MRTFA: variants seen among roughly 807,000 people sequenced by gnomAD.
MRTFA encodes myocardin-related transcription factor A.
A neutral mutation model predicts 83.5 loss-of-function variants in MRTFA; 20 were observed. The ratio of observed to expected loss-of-function variants is 0.24; its 90% CI spans 0.17 to 0.35. The LOEUF (loss-of-function observed/expected upper bound fraction) is 0.35. Among genes scored for constraint, MRTFA ranks in the 10% least tolerant of loss-of-function variants. The probability of loss-of-function intolerance (pLI) is 1.00; values close to 1 mark genes in which losing one functional copy is unlikely to be tolerated. For missense variants in MRTFA, 1,200 were observed against 1,224.7 expected, an observed-to-expected ratio of 0.98 and a Z score of 0.30; for synonymous variants, 659 against 541.2, an observed-to-expected ratio of 1.22 and a Z score of -3.02.
At chr22:40,588,178 G>A (rs769107874) in intron 2 of MRTFA, among the ~76,000 whole-genome samples, 7 of 151,924 alleles carry the variant, frequency 4.6e-5, no homozygotes, top group Non-Finnish European at 7.4e-5. Flanking sequence ...ACAGGCACGC[G>A]CCACCACGCC....
At chr22:40,447,695 C>T (rs1602257146) in intron 4 of MRTFA, among the ~76,000 whole-genome samples, 1 of 152,086 alleles carries the variant, frequency 6.6e-6, no homozygotes, top group African/African-American at 2.4e-5. Flanking sequence ...CCTTGTTTTC[C>T]CCAATAACCT....
chr22:40,579,558 C>T (rs1453440771), intron 2 of MRTFA, among the ~76,000 whole-genome samples: 2 of 151,898 alleles, frequency 1.3e-5, no homozygotes, highest in African/African-American at 2.4e-5. Flanking sequence ...TCTCACACAA[C>T]CAATAAAGAC....
At chr22:40,447,941 C>A (rs2053412400) in intron 4 of MRTFA, among the ~76,000 whole-genome samples, 1 of 152,144 alleles carries the variant, frequency 6.6e-6, no homozygotes. Context: ...GGTTGTAATT[C>A]CAACACTTTG....
intron 3 of MRTFA, among the ~76,000 whole-genome samples, chr22:40,538,618 T>G (rs1281144258): frequency 6.6e-6 from 1 of 152,156 alleles, no homozygotes; most frequent in Non-Finnish European, 1.5e-5. Context: ...TCTTTCCCAA[T>G]TGCTAAGATT....
intron 3 of MRTFA, among the ~76,000 whole-genome samples, chr22:40,463,989 AT>A (rs200623309): frequency 1.1e-4 from 16 of 151,878 alleles, no homozygotes; most frequent in Non-Finnish European, 4.4e-5. Flanking sequence ...CTTAATAGGG[AT>A]TTTTTTTAAG....
chr22:40,630,292 G>A (rs963330654), intron 1 of MRTFA, among the ~76,000 whole-genome samples: 1 of 151,984 alleles, frequency 6.6e-6, no homozygotes, highest in Non-Finnish European at 1.5e-5. Flanking sequence ...CTCTACCCTA[G>A]GCAAGAGAAC....
chr22:40,417,640 T>G, intron 12 of MRTFA, 147 bp from the exon 13 acceptor site: 1 of 614,662 alleles, frequency 1.6e-6, no homozygotes, highest in Non-Finnish European at 2.8e-6. Flanking sequence ...GGAGCTTTCA[T>G]GAAAGCCACT....
intron 3 of MRTFA, among the ~76,000 whole-genome samples, chr22:40,471,945 C>A (rs567020063): frequency 6.6e-6 from 1 of 152,138 alleles, no homozygotes; most frequent in Non-Finnish European, 1.5e-5. Context: ...GAAAACACTT[C>A]CCCAACTCAT....
chr22:40,628,511 C>A (rs73422635), intron 1 of MRTFA, among the ~76,000 whole-genome samples: 3 of 152,228 alleles, frequency 2.0e-5, no homozygotes, highest in African/African-American at 7.2e-5. Flanking sequence ...TAACAGAGGA[C>A]ACACTCCAGA....
intron 3 of MRTFA, chr22:40,519,511 T>C (rs1377926695): frequency 3.0e-6 from 4 of 1,349,090 alleles, no homozygotes; most frequent in African/African-American, 2.9e-5. Flanking sequence ...TCAGGAGTCA[T>C]TTTAACTCCA....
rs562274632 is a variant in MRTFA at position 40,479,500 on chromosome 22, C to A, written c.242-16214G>T. ...TTTCCCTTTCTTCTGCCTATTAAAC[C>A]TCTGCTCCTAAAAAAATAAAATAAA... On this transcript the variant is annotated intron_variant, in intron 3 of 14. Transcript: ENST00000355630. 9.9e-5 allele frequency among the ~76,000 whole-genome samples: 15 copies of A among 152,162 alleles called. No individual in the cohort carries two copies. In the South Asian group the frequency reaches 3.1e-3, roughly 32 times the overall value.
chr22:40,483,956 C>T (rs1478203667), intron 3 of MRTFA, among the ~76,000 whole-genome samples: 1 of 152,032 alleles, frequency 6.6e-6, no homozygotes, highest in Non-Finnish European at 1.5e-5. Flanking sequence ...ATCCGCTCAC[C>T]TCAACCTCCC....
chr22:40,419,044 G>A lies in MRTFA; in HGVS notation c.1694C>T (p.Thr565Met), dbSNP rs146912313. The change falls in exon 12 of 15, where the codon ACG (threonine) becomes ATG (methionine). Residue 565 changes from threonine to methionine, a missense_variant. Transcript: ENST00000355630. ...CCCGGGGGTGGAGTTTTCATCGCCCGTGCTGAGCAGTGAGCGCTCCGAGGG... is the reference window on the plus strand; with the variant it reads ...CCCGGGGGTGGAGTTTTCATCGCCCATGCTGAGCAGTGAGCGCTCCGAGGG... 45 of 1,611,650 alleles carry A rather than the reference G, an allele frequency of 2.8e-5. No individual in the cohort carries two copies. The highest frequency in any genetic ancestry group is 2.2e-4 in the Admixed American group (13 of 59,878).
chr22:40,411,083 CCAGA>C lies in MRTFA; in HGVS notation c.*303_*306del, dbSNP rs947876423. On this transcript the variant is annotated 3_prime_UTR_variant, in exon 15 of 15. Coordinates refer to ENST00000355630, the MANE Select transcript of MRTFA (RefSeq NM_020831.6). Reference sequence around the variant, plus strand: ...TTCACCTACCTTAGCCAAATTGTAGCCAGACAGACAGTGCCCCCTGACCTCAAAA... The same window carrying C: ...TTCACCTACCTTAGCCAAATTGTAGCCAGACAGTGCCCCCTGACCTCAAAA... 7 of 297,534 alleles carry C rather than the reference CCAGA, an allele frequency of 2.4e-5. No individual in the cohort carries two copies. The highest frequency in any genetic ancestry group is 8.5e-5 in the African/African-American group (4 of 47,246). 18.4% of individuals were successfully genotyped at this position (297,534 alleles called of 1,614,324 possible). A position where few individuals can be genotyped will look rare whatever the true frequency, so the allele number is the denominator to read the frequency against.
At chr22:40,569,380 G>T in intron 2 of MRTFA, 1 of 203,652 alleles carries the variant, frequency 4.9e-6, no homozygotes, top group Admixed American at 4.8e-5. Flanking sequence ...GGAATGGCTG[G>T]CAGAAATACC....
intron 3 of MRTFA, among the ~76,000 whole-genome samples, chr22:40,477,829 G>A (rs554073485): frequency 6.6e-6 from 1 of 151,862 alleles, no homozygotes; most frequent in Non-Finnish European, 1.5e-5. Context: ...AGGAGGGAAA[G>A]GAATGAAAAA....
intron 3 of MRTFA, among the ~76,000 whole-genome samples, chr22:40,537,763 G>T (rs1300947003): frequency 3.3e-5 from 1 of 30,726 alleles, no homozygotes; most frequent in Admixed American, 3.7e-4. Context: ...GTCCGGGAGG[G>T]AGGTGGGGGG....
chr22:40,537,149 C>T (rs1304142938), intron 3 of MRTFA, among the ~76,000 whole-genome samples: 10 of 41,166 alleles, frequency 2.4e-4, no homozygotes, highest in Middle Eastern at 0.023. Context: ...CCGCCACGTC[C>T]GGGAGGTGAG....
chr22:40,636,281 G>C (rs1254813596), intron 1 of MRTFA, among the ~76,000 whole-genome samples, 197 bp downstream of exon 1: 1 of 151,842 alleles, frequency 6.6e-6, no homozygotes, highest in Non-Finnish European at 1.5e-5. Context: ...TCCCAGCCCC[G>C]GCACAGTGAC....
Sources: allele counts gnomAD v4.1 joint callset (sites outside exome capture counted in the v4.1 genomes callset), GRCh38; gene constraint gnomAD v4.1.1; transcripts MANE v1.5; gene names NCBI Gene and HGNC (gene_info 2026-07-23, HGNC 2026-07-21).